Variants in MFSD6 observed in about 807,000 individuals in gnomAD.
MFSD6 encodes the protein major facilitator superfamily domain containing 6.
A neutral mutation model predicts 56.3 loss-of-function variants in MFSD6; 26 were observed. The ratio of observed to expected loss-of-function variants is 0.46; its 90% CI spans 0.34 to 0.64. The LOEUF (loss-of-function observed/expected upper bound fraction) is 0.64. Ranked by LOEUF, MFSD6 falls within the 30% of genes least tolerant of loss-of-function variation. The pLI is 0.01. For synonymous variants in MFSD6, 331 were observed against 366.9 expected (o/e 0.90, Z 1.12); for missense variants, 750 against 986.2 (o/e 0.76, Z 3.21).
In MFSD6 at chr2:190,443,236, G is replaced by A. The variant is rs560547871; in HGVS notation, c.1532+5675G>A. Reference sequence around the variant, plus strand: ...ACTTTAAGGATTGTATGGTGGTTACGAGCAGAGGCTGAGTCAGATTGCCTG... The same window carrying A: ...ACTTTAAGGATTGTATGGTGGTTACAAGCAGAGGCTGAGTCAGATTGCCTG... On this transcript the variant is annotated intron_variant, in intron 3 of 7. Coordinates refer to ENST00000392328, the MANE Select transcript of MFSD6 (RefSeq NM_017694.4). This position sits in a 1 kb window ranked among gnomAD's most constrained non-coding sequence, Gnocchi z 4.2. Among the ~76,000 whole-genome samples, 4 of 152,258 alleles carry A rather than the reference G, an allele frequency of 2.6e-5. No individual in the cohort carries two copies. Among genetic ancestry groups the A allele is most frequent in the South Asian group, 4.1e-4 (2 of 4,826 alleles).
chr2:190,496,143 G>GA lies in MFSD6; in HGVS notation c.1892-1285dup, dbSNP rs1223271231. ...ATGACGAACTCAAACAAATTAGCAA[G>GA]AAAAAAAAAAACACCAAAGAGTGGA... On this transcript the variant is annotated intron_variant, in intron 6 of 7. Transcript: ENST00000392328. This position sits in a 1 kb window ranked among gnomAD's most constrained non-coding sequence, Gnocchi z 4.7. Among the ~76,000 whole-genome samples, 75 of 141,466 alleles carry GA rather than the reference G, an allele frequency of 5.3e-4. No homozygotes were observed. Among genetic ancestry groups the GA allele is most frequent in the African/African-American group, 8.0e-4 (31 of 38,918 alleles). 92.8% of individuals were successfully genotyped at this position (141,466 alleles called of 152,430 possible). A position where few individuals can be genotyped will look rare whatever the true frequency, so the allele number is the denominator to read the frequency against.
Position 190,437,997 on chromosome 2 carries a change from G to C in MFSD6, c.1532+436G>C, listed in dbSNP as rs1686234902. Among the ~76,000 whole-genome samples, 1 of 151,524 alleles carries C rather than the reference G, an allele frequency of 6.6e-6. No individual in the cohort carries two copies. Among genetic ancestry groups the C allele is most frequent in the South Asian group, 2.1e-4 (1 of 4,810 alleles). On this transcript the variant is annotated intron_variant, in intron 3 of 7. Coordinates refer to ENST00000392328, the MANE Select transcript of MFSD6 (RefSeq NM_017694.4). The surrounding 1 kb of genome is among the most constrained non-coding windows in gnomAD (Gnocchi z 5.9). ...TCTCAGCCACTTGCTGACATAGATA[G>C]AGCCTGAATATATGGCATCTAAAGA...
In MFSD6 at chr2:190,469,810, T is replaced by C. The variant is rs574912774; in HGVS notation, c.1585T>C (p.Tyr529His). ...CNTARYIYIS[Y>H]LENAWTVLPM... ...TACGGCTCGCTATATTTATATTTCC[T>C]ACCTGGAGAATGCCTGGACTGTTCT... Residue 529 changes from tyrosine (Y) to histidine (H), a missense_variant, in exon 4 of 8, where the codon TAC becomes CAC. Tyr to His is a moderately conservative substitution (Grantham distance 83). Coordinates refer to ENST00000392328, the MANE Select transcript of MFSD6 (RefSeq NM_017694.4). This position sits in a 1 kb window ranked among gnomAD's most constrained non-coding sequence, Gnocchi z 5.3. 12 of 1,611,302 alleles carry C rather than the reference T, an allele frequency of 7.4e-6. No individual in the cohort carries two copies. The Admixed American group carries it at 1.0e-4, about 14-fold the overall frequency.
At chr2:190,455,271 T>C (rs1686968508) in intron 3 of MFSD6, among the ~76,000 whole-genome samples, 1 of 142,734 alleles carries the variant, frequency 7.0e-6, no homozygotes, top group East Asian at 2.0e-4. Context: ...ATTAAGTTAT[T>C]CATAGCTCTA....
intron 1 of MFSD6, among the ~76,000 whole-genome samples, chr2:190,408,760 G>T (rs1690424038): frequency 6.6e-6 from 1 of 152,056 alleles, no homozygotes; most frequent in East Asian, 1.9e-4. Context: ...GCTGGGGGAG[G>T]CTGCCGCCTG....
At position 190,439,424 on chromosome 2, in the gene MFSD6, T is replaced by C. The variant is rs1387950542; in HGVS notation, c.1532+1863T>C. Reference sequence around the variant, plus strand: ...AGGGTACACGTGCACAACGTGCAGATTTGTTGCATGTGTATAGATAGGTTC... The same window carrying C: ...AGGGTACACGTGCACAACGTGCAGACTTGTTGCATGTGTATAGATAGGTTC... On this transcript the variant is annotated intron_variant, in intron 3 of 7. Coordinates refer to ENST00000392328, the MANE Select transcript of MFSD6 (RefSeq NM_017694.4). This position sits in a 1 kb window ranked among gnomAD's most constrained non-coding sequence, Gnocchi z 5.8. Among the ~76,000 whole-genome samples, 2 of 152,166 alleles carry C rather than the reference T, an allele frequency of 1.3e-5. No homozygotes were observed. Among genetic ancestry groups the C allele is most frequent in the African/African-American group, 4.8e-5 (2 of 41,448 alleles).
chr2:190,500,752 AAAGTT>A lies in MFSD6; in HGVS notation c.*537_*541del, dbSNP rs1689987314. On this transcript the variant is annotated 3_prime_UTR_variant, in exon 8 of 8. Transcript: ENST00000392328. The surrounding 1 kb of genome is among the most constrained non-coding windows in gnomAD (Gnocchi z 5.3). ...TAGCACATGTGCTTTTGTTAAAAAT[AAAGTT>A]AAAAGTTAAAGTTAAAAAATGAAGT... The A allele has an allele frequency of 6.5e-6, 1 of 152,870 alleles. No homozygotes were observed. The highest frequency in any genetic ancestry group is 2.1e-4 in the South Asian group (1 of 4,862). 9.5% of individuals were successfully genotyped at this position (152,870 alleles called of 1,614,324 possible).
rs919540824 is a variant in MFSD6, at chr2:190,456,291, A to G, written c.1533-13467A>G. ...AAATCCATGACTTAAATTTCACTTC[A>G]GACAGAGAAGGTGTTTAGCATGGTG... On this transcript the variant is annotated intron_variant, in intron 3 of 7. Transcript: ENST00000392328. This position sits in a 1 kb window ranked among gnomAD's most constrained non-coding sequence, Gnocchi z 5.4. 6.6e-6 allele frequency among the ~76,000 whole-genome samples: 1 copy of G among 152,088 alleles called. No homozygotes were observed. Among genetic ancestry groups the G allele is most frequent in the Non-Finnish European group, 1.5e-5 (1 of 68,012 alleles).
rs189231603 is a variant in MFSD6, at chr2:190,434,287, C to T, written c.-53-1690C>T. Among the ~76,000 whole-genome samples the T allele has an allele frequency of 2.3e-3, 355 of 152,050 alleles. 1 individual carries two copies. The highest frequency in any genetic ancestry group is 0.01 in the Middle Eastern group (3 of 294). On this transcript the variant is annotated intron_variant, in intron 2 of 7. Coordinates refer to ENST00000392328, the MANE Select transcript of MFSD6 (RefSeq NM_017694.4). The surrounding 1 kb of genome is among the most constrained non-coding windows in gnomAD (Gnocchi z 4.3). The stretch of plus-strand genomic sequence containing the variant: ...ATCTGTTCATTGGAACAACATAATT[C>T]TTGATGCACACAAGACCTTTTGACA...
At chr2:190,420,560 T>A (rs1183162125) in intron 2 of MFSD6, among the ~76,000 whole-genome samples, 2 of 152,204 alleles carry the variant, frequency 1.3e-5, no homozygotes, top group African/African-American at 4.8e-5. Context: ...CTCCTTTCAC[T>A]TTATAAACAG....
At chr2:190,478,035 C>T (rs959875984) in intron 4 of MFSD6, among the ~76,000 whole-genome samples, 1 of 152,176 alleles carries the variant, frequency 6.6e-6, no homozygotes, top group Non-Finnish European at 1.5e-5. Flanking sequence ...GGGCTTGAAG[C>T]ATTTATCATC....
chr2:190,448,713 A>G (rs555701113), intron 3 of MFSD6, among the ~76,000 whole-genome samples: 1 of 152,354 alleles, frequency 6.6e-6, no homozygotes, highest in African/African-American at 2.4e-5. Flanking sequence ...AGCTTTCTGG[A>G]CAGGACAAAA....
chr2:190,472,166 T>A (rs1687982059), intron 4 of MFSD6, among the ~76,000 whole-genome samples: 1 of 152,054 alleles, frequency 6.6e-6, no homozygotes, highest in Non-Finnish European at 1.5e-5. Flanking sequence ...AACTGAAAAT[T>A]CTAAAAATCA....
At position 190,501,083 on chromosome 2, in the gene MFSD6, A is replaced by G. The variant is rs1690001359; in HGVS notation, c.*865A>G. ...ACTATCTTATAGTAATTCAGGCTCT[A>G]ATTAGCTGAGGGAATGAAACACACA... is the stretch of plus-strand genomic sequence containing the variant. On this transcript the variant is annotated 3_prime_UTR_variant, in exon 8 of 8. Coordinates refer to ENST00000392328, the MANE Select transcript of MFSD6 (RefSeq NM_017694.4). 1 of 152,212 alleles carries G rather than the reference A, an allele frequency of 6.6e-6. No homozygotes were observed. The highest frequency in any genetic ancestry group is 6.5e-5 in the Admixed American group (1 of 15,288). The allele number at this position is 152,212 out of a possible 1,614,324, so 9.4% of individuals were successfully genotyped here. A position where few individuals can be genotyped will look rare whatever the true frequency, so the allele number is the denominator to read the frequency against.
In MFSD6 at chr2:190,434,618, G is replaced by GA. The variant is rs2125045995; in HGVS notation, c.-53-1356dup. 6.6e-6 allele frequency among the ~76,000 whole-genome samples: 1 copy of GA among 152,222 alleles called. No homozygotes were observed. The highest frequency in any genetic ancestry group is 1.9e-4 in the East Asian group (1 of 5,172). On this transcript the variant is annotated intron_variant, in intron 2 of 7. Transcript: ENST00000392328. This position sits in a 1 kb window ranked among gnomAD's most constrained non-coding sequence, Gnocchi z 4.3. ...CCAGCTAATTCTTGTACTTTTAGTA[G>GA]AAACGGGGTTTCACCATGTTGGCCA...
chr2:190,441,749 T>C (rs1162925750), intron 3 of MFSD6, among the ~76,000 whole-genome samples: 1 of 152,080 alleles, frequency 6.6e-6, no homozygotes, highest in Non-Finnish European at 1.5e-5. Context: ...GAGACCTCTG[T>C]GAGCTGCTGC....
rs1012947917 is a variant in MFSD6, at chr2:190,454,650, A to G, written c.1533-15108A>G. Reference sequence around the variant, plus strand: ...CAGAACCCAGACATGCTGGTATCCTATTCTCAGATTTCCAGCTCCAGAACT... The same window carrying G: ...CAGAACCCAGACATGCTGGTATCCTGTTCTCAGATTTCCAGCTCCAGAACT... On this transcript the variant is annotated intron_variant, in intron 3 of 7. Transcript: ENST00000392328. This position sits in a 1 kb window ranked among gnomAD's most constrained non-coding sequence, Gnocchi z 4.6. The G allele has an allele frequency of 2.0e-5, 3 of 152,148 alleles. No homozygotes were observed. The highest frequency in any genetic ancestry group is 2.9e-5 in the Non-Finnish European group (2 of 68,050). 9.4% of individuals were successfully genotyped at this position (152,148 alleles called of 1,614,324 possible). A position where few individuals can be genotyped will look rare whatever the true frequency, so the allele number is the denominator to read the frequency against.
At chr2:190,473,238 ATTAACC>A (rs895070398) in intron 4 of MFSD6, among the ~76,000 whole-genome samples, 33 of 152,352 alleles carry the variant, frequency 2.2e-4, no homozygotes, top group African/African-American at 7.9e-4. Context: ...ACATAACAAT[ATTAACC>A]TTAAATATAA....
chr2:190,493,148 A>G (rs1324510787), intron 6 of MFSD6, among the ~76,000 whole-genome samples: 1 of 152,048 alleles, frequency 6.6e-6, no homozygotes, highest in Non-Finnish European at 1.5e-5. Context: ...CGCCTAACAC[A>G]TAGGAACTCA....
Sources: gnomAD v4.1 joint callset for allele counts (sites outside exome capture counted in the v4.1 genomes callset) on GRCh38, gnomAD v4.1.1 for gene constraint, Gnocchi (gnomAD v3.1) non-coding constraint, MANE v1.5 for transcripts, NCBI Gene and HGNC (gene_info 2026-07-23, HGNC 2026-07-21) for gene names.